The following MBP variants were observed in gnomAD, a reference collection of about 807,000 sequenced individuals.
MBP encodes the protein myelin basic protein.
A neutral mutation model predicts 35.8 loss-of-function variants in MBP; 16 were observed. That is an observed-to-expected ratio of 0.45 (90% CI 0.30 to 0.68). The LOEUF is 0.68. Among genes scored for constraint, MBP ranks in the 30% least tolerant of loss-of-function variants. MBP has a pLI of 0.08. For synonymous variants in MBP, 143 were observed against 159.6 expected, an observed-to-expected ratio of 0.90 and a Z score of 0.78; for missense variants, 380 against 404.7, an observed-to-expected ratio of 0.94 and a Z score of 0.52.
At chr18:77,015,488 G>A in intron 4 of MBP, 1 of 985,430 alleles carries the variant, frequency 1.0e-6, no homozygotes, top group Non-Finnish European at 1.2e-6. Context: ...AGGGAGGACT[G>A]CTACAAAGGA....
intron 4 of MBP, chr18:76,990,832 G>A (rs1969861878): frequency 7.9e-6 from 2 of 254,422 alleles, no homozygotes; most frequent in Admixed American, 5.8e-5. Flanking sequence ...CACACCTGGG[G>A]CAGCTACGGG....
At position 76,986,632 on chromosome 18, in the gene MBP, G is replaced by A. The variant is rs893710012; in HGVS notation, c.751-1738C>T. On this transcript the variant is annotated intron_variant, in intron 7 of 8. Transcript: ENST00000355994. ...AAGAAGGTCTAAGCACTGCACACGAGGGGACAGCCAGCCTCGCTCTTGCGT... is the reference window on the plus strand; with the variant it reads ...AAGAAGGTCTAAGCACTGCACACGAAGGGACAGCCAGCCTCGCTCTTGCGT... 1.1e-5 allele frequency: 11 copies of A among 985,420 alleles called. No individual in the cohort carries two copies. The African/African-American group carries it at 1.2e-4, about 11-fold the overall frequency. 61.0% of individuals were successfully genotyped at this position (985,420 alleles called of 1,614,324 possible).
At position 77,131,106 on chromosome 18, in the gene MBP, CA is replaced by C. The variant is rs1977251969; in HGVS notation, c.-26+1473del. 6.9e-6 allele frequency among the ~76,000 whole-genome samples: 1 copy of C among 145,220 alleles called. No homozygotes were observed. Among genetic ancestry groups the C allele is most frequent in the African/African-American group, 2.5e-5 (1 of 40,346 alleles). On this transcript the variant is annotated intron_variant, in intron 1 of 8. Coordinates refer to ENST00000355994, the MANE Select transcript of MBP (RefSeq NM_001025101.2). This position sits in a 1 kb window ranked among gnomAD's most constrained non-coding sequence, Gnocchi z 5.5. ...ACGCGCACACACACACACACACACA[CA>C]CACACACACACACCCCCTCTGCCGC... is the stretch of plus-strand genomic sequence containing the variant.
chr18:77,032,194 C>A (rs1350018709), intron 3 of MBP, among the ~76,000 whole-genome samples: 1 of 152,190 alleles, frequency 6.6e-6, no homozygotes, highest in East Asian at 1.9e-4. Context: ...AGAGGACGCT[C>A]CTTGTTTGTG....
intron 2 of MBP, among the ~76,000 whole-genome samples, chr18:77,104,448 A>T (rs1305652812): frequency 6.6e-6 from 1 of 152,184 alleles, no homozygotes; most frequent in East Asian, 1.9e-4. Flanking sequence ...TCGATCTAGG[A>T]GAGGGCCAAG....
Position 77,020,694 on chromosome 18 carries a change from G to T in MBP, c.140-3426C>A, listed in dbSNP as rs1480500343. Among the ~76,000 whole-genome samples, 1 of 152,216 alleles carries T rather than the reference G, an allele frequency of 6.6e-6. No individual in the cohort carries two copies. The highest frequency in any genetic ancestry group is 1.5e-5 in the Non-Finnish European group (1 of 68,038). On this transcript the variant is annotated intron_variant, in intron 3 of 8. Coordinates refer to ENST00000355994, the MANE Select transcript of MBP (RefSeq NM_001025101.2). The surrounding 1 kb of genome is among the most constrained non-coding windows in gnomAD (Gnocchi z 4.1). ...CTCGCTTGGTGCCACCAAGATTCCA[G>T]CCTTCAGAGGAAAGGCGCTGTTCTG... is the stretch of plus-strand genomic sequence containing the variant.
In MBP at chr18:77,070,678, G is replaced by T. The variant is rs528610904; in HGVS notation, c.52-4293C>A. Among the ~76,000 whole-genome samples, 8 of 152,286 alleles carry T rather than the reference G, an allele frequency of 5.3e-5. No individual in the cohort carries two copies. In the East Asian group the frequency reaches 1.5e-3, roughly 29 times the overall value. On this transcript the variant is annotated intron_variant, in intron 2 of 8. Coordinates refer to ENST00000355994, the MANE Select transcript of MBP (RefSeq NM_001025101.2). ...CCCTTAAGTGTCAAGCTTTCCCTGGGGGTCAGTGTGGCCCTGCACGGGGCT... is the reference window on the plus strand; with the variant it reads ...CCCTTAAGTGTCAAGCTTTCCCTGGTGGTCAGTGTGGCCCTGCACGGGGCT...
rs550514150 is a variant in MBP at position 77,016,653 on chromosome 18, G to A, written c.576+179C>T. On this transcript the variant is annotated intron_variant, in intron 4 of 8. Coordinates refer to ENST00000355994, the MANE Select transcript of MBP (RefSeq NM_001025101.2). ...AAGAGGGGGTGAGTTAAACGAAAAC[G>A]TCCTAAGCAGCCACTCAGGCCCACA... 95 of 1,423,664 alleles carry A rather than the reference G, an allele frequency of 6.7e-5. No homozygotes were observed. The East Asian group carries it at 2.0e-3, about 30-fold the overall frequency. 88.2% of individuals were successfully genotyped at this position (1,423,664 alleles called of 1,614,324 possible).
At chr18:77,085,845 G>A (rs1483551595) in intron 2 of MBP, among the ~76,000 whole-genome samples, 2 of 151,802 alleles carry the variant, frequency 1.3e-5, no homozygotes, top group African/African-American at 4.8e-5. Flanking sequence ...CCACCACGCC[G>A]GCTAATTTTT....
intron 4 of MBP, 94 bp downstream of exon 4, chr18:77,016,738 G>A (rs999075478): frequency 5.9e-6 from 9 of 1,522,140 alleles, no homozygotes; most frequent in African/African-American, 2.7e-5. Context: ...AAGAGGCTAC[G>A]TGCCAGTTCT....
At chr18:76,982,389 T>G (rs1319833460) in intron 8 of MBP, 5 of 152,276 alleles carry the variant, frequency 3.3e-5, no homozygotes, top group Non-Finnish European at 5.9e-5. Context: ...GAACAGAGCC[T>G]ACTGCAAAAG....
In MBP at chr18:76,995,675, C is replaced by T. The variant is rs373090674; in HGVS notation, c.577-5615G>A. Reference sequence around the variant, plus strand: ...CCACTTTAACCCAATCCACACCTTACACAAGATTTAACTCAAAATAGATCA... The same window carrying T: ...CCACTTTAACCCAATCCACACCTTATACAAGATTTAACTCAAAATAGATCA... On this transcript the variant is annotated intron_variant, in intron 4 of 8. Coordinates refer to ENST00000355994, the MANE Select transcript of MBP (RefSeq NM_001025101.2). Among the ~76,000 whole-genome samples, 4 of 152,192 alleles carry T rather than the reference C, an allele frequency of 2.6e-5. No individual in the cohort carries two copies. In the South Asian group the frequency reaches 8.3e-4, roughly 32 times the overall value.
intron 3 of MBP, among the ~76,000 whole-genome samples, chr18:77,060,427 T>G (rs1185141539): frequency 6.7e-6 from 1 of 149,136 alleles, no homozygotes; most frequent in African/African-American, 2.5e-5. Flanking sequence ...TAATGGAGTA[T>G]AACTGTTTTC....
At chr18:77,015,449 A>G (rs1971573813) in intron 4 of MBP, 7 of 985,480 alleles carry the variant, frequency 7.1e-6, no homozygotes, top group Non-Finnish European at 8.4e-6. Context: ...AGCATTAGAA[A>G]TCGGTTAGAA....
intron 7 of MBP, chr18:76,986,018 ACTC>A (rs1255502336): frequency 1.0e-4 from 103 of 984,948 alleles, no homozygotes; most frequent in Admixed American, 1.8e-4. Flanking sequence ...TCGAGTGGGA[ACTC>A]CACTGCAAAC....
chr18:77,118,622 ACACACACACACACACACTACACAC>A (rs1412099646), intron 1 of MBP, among the ~76,000 whole-genome samples: 81 of 136,692 alleles, frequency 5.9e-4, no homozygotes, highest in Middle Eastern at 3.8e-3. Flanking sequence ...CCACACACAC[ACACACACACACACACACTACACAC>A]CACACACACA....
At chr18:77,107,847 C>T (rs1009491922) in intron 1 of MBP, among the ~76,000 whole-genome samples, 1 of 152,200 alleles carries the variant, frequency 6.6e-6, no homozygotes, top group Non-Finnish European at 1.5e-5. Flanking sequence ...AGCCTACTTA[C>T]TTGCATTTGA....
chr18:77,060,795 A>T (rs904359221), intron 3 of MBP, among the ~76,000 whole-genome samples: 2 of 152,174 alleles, frequency 1.3e-5, no homozygotes, highest in African/African-American at 2.4e-5. Context: ...TTGAGGGTCA[A>T]TAGGAAACCC....
rs180922387 is a variant in MBP at position 77,037,601 on chromosome 18, C to G, written c.140-20333G>C. ...AGAAATGAATCCAGAGTGGAGAGTT[C>G]CAACTTCCAAGCTGACCAGTTTTGT... On this transcript the variant is annotated intron_variant, in intron 3 of 8. Coordinates refer to ENST00000355994, the MANE Select transcript of MBP (RefSeq NM_001025101.2). 2.8e-3 allele frequency among the ~76,000 whole-genome samples: 428 copies of G among 152,336 alleles called. 2 individuals are homozygous for G. The highest frequency in any genetic ancestry group is 4.9e-3 in the Non-Finnish European group (336 of 68,034).
Sources: gnomAD v4.1 joint callset for allele counts (sites outside exome capture counted in the v4.1 genomes callset) on GRCh38, gnomAD v4.1.1 for gene constraint, Gnocchi (gnomAD v3.1) non-coding constraint, MANE v1.5 for transcripts, NCBI Gene and HGNC (gene_info 2026-07-23, HGNC 2026-07-21) for gene names.